The following SSH2 variants were observed in gnomAD, a reference collection of about 807,000 sequenced individuals.
SSH2 encodes protein phosphatase Slingshot homolog 2.
SSH2 carries 37 observed loss-of-function variants against 135.2 expected under a neutral mutation model. That is an observed-to-expected ratio of 0.27 (90% CI 0.21 to 0.36). The LOEUF is 0.36. Among genes scored for constraint, SSH2 ranks in the 10% least tolerant of loss-of-function variants. SSH2 has a pLI of 1.00. For missense variants in SSH2, 1,408 were observed against 1,765.3 expected (o/e 0.80, Z 3.63); for synonymous variants, 628 against 646.2 (o/e 0.97, Z 0.43).
chr17:29,858,868 T>C (rs2065710865), intron 1 of SSH2, among the ~76,000 whole-genome samples: 1 of 151,418 alleles, frequency 6.6e-6, no homozygotes, highest in Non-Finnish European at 1.5e-5. Context: ...CAAGACCCTG[T>C]CTCAAAAAAA....
At chr17:29,736,451 A>T (rs1217047208) in intron 3 of SSH2, among the ~76,000 whole-genome samples, 1 of 152,190 alleles carries the variant, frequency 6.6e-6, no homozygotes, top group Non-Finnish European at 1.5e-5. Context: ...TCCATGCTAC[A>T]TGGGAAAAAA....
chr17:29,928,487 C>T (rs2067110502), intron 1 of SSH2: 5 of 398,396 alleles, frequency 1.3e-5, no homozygotes, highest in Non-Finnish European at 2.2e-5. Context: ...GCAATGTGCA[C>T]TCACTATTTT....
At chr17:29,855,435 G>T (rs1567611705) in intron 1 of SSH2, among the ~76,000 whole-genome samples, 1 of 152,162 alleles carries the variant, frequency 6.6e-6, no homozygotes, top group African/African-American at 2.4e-5. Context: ...AGCTCAGGAA[G>T]TTGAGGCTGC....
chr17:29,726,535 C>T (rs568281160), intron 3 of SSH2, among the ~76,000 whole-genome samples: 1 of 152,140 alleles, frequency 6.6e-6, no homozygotes, highest in East Asian at 1.9e-4. Flanking sequence ...TTTGGTATTC[C>T]AGGCAAGTAA....
At chr17:29,846,265 C>T (rs57037139) in intron 2 of SSH2, among the ~76,000 whole-genome samples, 63,586 of 151,926 alleles carry the variant, frequency 0.42, 15,216 homozygotes, top group East Asian at 0.69. Flanking sequence ...AACACTTGAC[C>T]TCAAGTGATC....
chr17:29,689,506 C>T (rs1488218403), intron 5 of SSH2, among the ~76,000 whole-genome samples: 2 of 152,128 alleles, frequency 1.3e-5, no homozygotes, highest in Non-Finnish European at 1.5e-5. Context: ...CTACTGAAGT[C>T]CATTTTAATT....
In SSH2 at chr17:29,784,552, G is replaced by C. The variant is rs144919613; in HGVS notation, c.188+9342C>G. 8.8e-4 allele frequency among the ~76,000 whole-genome samples: 132 copies of C among 149,758 alleles called. 1 individual carries two copies. Among genetic ancestry groups the C allele is most frequent in the African/African-American group, 3.1e-3 (127 of 40,684 alleles). ...GCGGAGGTTGCAGTGAGCCGAGATT[G>C]CACCCCACTGCACTCCAGCCTGGGT... On this transcript the variant is annotated intron_variant, in intron 3 of 15. Coordinates refer to ENST00000540801, the MANE Select transcript of SSH2 (RefSeq NM_001282129.2).
chr17:29,899,422 T>G (rs896406129), intron 1 of SSH2, among the ~76,000 whole-genome samples: 19 of 152,276 alleles, frequency 1.2e-4, no homozygotes, highest in Admixed American at 1.0e-3. Flanking sequence ...ATAGGCAACT[T>G]CAGCAAAGTC....
At chr17:29,710,295 T>C (rs2039387303) in intron 3 of SSH2, among the ~76,000 whole-genome samples, 1 of 152,232 alleles carries the variant, frequency 6.6e-6, no homozygotes, top group African/African-American at 2.4e-5. Flanking sequence ...CAGATTTTCA[T>C]GTTTATGTTT....
chr17:29,770,699 C>T (rs2041564150), intron 3 of SSH2, among the ~76,000 whole-genome samples: 1 of 152,122 alleles, frequency 6.6e-6, no homozygotes, highest in Non-Finnish European at 1.5e-5. Flanking sequence ...TCTCGAACTC[C>T]TGACCTCAGA....
chr17:29,709,031 G>T (rs1342024460), intron 3 of SSH2, among the ~76,000 whole-genome samples: 17 of 144,586 alleles, frequency 1.2e-4, no homozygotes, highest in African/African-American at 2.8e-4. Flanking sequence ...GAGAGAGAGA[G>T]AGAGAGAGAG....
intron 1 of SSH2, among the ~76,000 whole-genome samples, chr17:29,913,696 G>A (rs1483257010): frequency 1.3e-5 from 2 of 150,968 alleles, no homozygotes; most frequent in South Asian, 2.1e-4. Context: ...GTACAATGGC[G>A]CAATCTCGGC....
At chr17:29,690,186 C>T (rs1383875482) in intron 5 of SSH2, among the ~76,000 whole-genome samples, 4 of 151,964 alleles carry the variant, frequency 2.6e-5, no homozygotes, top group African/African-American at 9.7e-5. Flanking sequence ...GGCAGATCAC[C>T]TGAGGTCGGG....
intron 2 of SSH2, among the ~76,000 whole-genome samples, chr17:29,799,611 G>A (rs1378098974): frequency 6.6e-6 from 1 of 152,110 alleles, no homozygotes; most frequent in African/African-American, 2.4e-5. Context: ...ACCAAAAGAA[G>A]GATAATTCAA....
At chr17:29,791,856 T>A (rs2042071220) in intron 3 of SSH2, among the ~76,000 whole-genome samples, 1 of 152,022 alleles carries the variant, frequency 6.6e-6, no homozygotes, top group Non-Finnish European at 1.5e-5. Flanking sequence ...CCTCTGCTGG[T>A]CAAAGTGACA....
rs943115777 is a variant in SSH2 at position 29,627,996 on chromosome 17, C to T, written c.*2845G>A. The stretch of plus-strand genomic sequence containing the variant: ...GGCAAGAGTCAAAGTTTTTCCTATT[C>T]ATCTTTGCCAGTCTATCAAATCTGC... On this transcript the variant is annotated 3_prime_UTR_variant, in exon 16 of 16. Transcript: ENST00000540801. 14 of 152,134 alleles carry T rather than the reference C, an allele frequency of 9.2e-5. No homozygotes were observed. The highest frequency in any genetic ancestry group is 3.4e-4 in the African/African-American group (14 of 41,414). The allele number at this position is 152,134 out of a possible 1,614,324, so 9.4% of individuals were successfully genotyped here.
chr17:29,635,819 A>G, intron 15 of SSH2, 149 bp downstream of exon 15: 4 of 706,468 alleles, frequency 5.7e-6, no homozygotes, highest in Non-Finnish European at 9.3e-6. Context: ...AATTCCCAAA[A>G]GGCAAATTAT....
chr17:29,902,520 TTC>T (rs2066575754), intron 1 of SSH2, among the ~76,000 whole-genome samples: 1 of 152,082 alleles, frequency 6.6e-6, no homozygotes, highest in African/African-American at 2.4e-5. Flanking sequence ...ATCATCTACT[TTC>T]TGTTGCCCTT....
At chr17:29,873,658 CATT>C (rs2065977316) in intron 1 of SSH2, among the ~76,000 whole-genome samples, 1 of 152,032 alleles carries the variant, frequency 6.6e-6, no homozygotes, top group African/African-American at 2.4e-5. Context: ...TGAGCTGTAG[CATT>C]ATCACCTACC....
Sources: allele counts gnomAD v4.1 joint callset (sites outside exome capture counted in the v4.1 genomes callset), GRCh38; gene constraint gnomAD v4.1.1; transcripts MANE v1.5; gene names NCBI Gene and HGNC (gene_info 2026-07-23, HGNC 2026-07-21).